The following MYO16 variants were observed in gnomAD, a reference collection of about 807,000 sequenced individuals.
MYO16 encodes myosin XVI.
A neutral mutation model predicts 205.3 loss-of-function variants in MYO16; 94 were observed. The ratio of observed to expected loss-of-function variants is 0.46; its 90% CI spans 0.39 to 0.54. MYO16 has a LOEUF of 0.54. Among genes scored for constraint, MYO16 ranks in the 20% least tolerant of loss-of-function variants. The pLI is 0.00. For missense variants in MYO16, 2,315 were observed against 2,387.5 expected (o/e 0.97, Z 0.63); for synonymous variants, 988 against 954.0 (o/e 1.04, Z -0.66).
chr13:109,046,877 T>C, intron 23 of MYO16, 39 bp from the exon 24 acceptor site: 1 of 1,491,382 alleles, frequency 6.7e-7, no homozygotes, highest in Non-Finnish European at 9.3e-7. Flanking sequence ...CACAGTCATG[T>C]TGAATCATTA....
At chr13:109,032,332 G>T (rs1886571171) in intron 23 of MYO16, among the ~76,000 whole-genome samples, 1 of 152,084 alleles carries the variant, frequency 6.6e-6, no homozygotes, top group Non-Finnish European at 1.5e-5. Flanking sequence ...TCATGTGCTG[G>T]CTCAGAACAG....
At position 109,125,407 on chromosome 13, in the gene MYO16, T is replaced by C. The variant is rs1876203002; in HGVS notation, c.3782+49T>C. 6.2e-7 allele frequency: 1 copy of C among 1,600,368 alleles called. No individual in the cohort carries two copies. Among genetic ancestry groups the C allele is most frequent in the African/African-American group, 1.3e-5 (1 of 74,476 alleles). On this transcript the variant is annotated intron_variant, in intron 30 of 34. Coordinates refer to ENST00000457511, the MANE Select transcript of MYO16 (RefSeq NM_001198950.3). This position sits in a 1 kb window ranked among gnomAD's most constrained non-coding sequence, Gnocchi z 4.0. ...TTAATTACCTTTGTGATTGGTTCAG[T>C]GGAGTCATGAAAATTCAAATAGCCC...
At chr13:108,915,093 T>C (rs1013784092) in intron 16 of MYO16, among the ~76,000 whole-genome samples, 5 of 152,354 alleles carry the variant, frequency 3.3e-5, no homozygotes, top group Middle Eastern at 6.8e-3. Context: ...GTTTGTAACA[T>C]AGGAATGATA....
intron 27 of MYO16, among the ~76,000 whole-genome samples, chr13:109,067,543 G>A (rs146460426): frequency 6.3e-4 from 96 of 152,262 alleles, no homozygotes; most frequent in African/African-American, 1.9e-3. Context: ...CCACAATGGC[G>A]TGCTGTTTCT....
At chr13:108,523,617 C>T in the MYO16 span, among the ~76,000 whole-genome samples, 1 of 152,178 alleles carries the variant, frequency 6.6e-6, no homozygotes, top group East Asian at 1.9e-4. Context: ...CTGGCCTGAG[C>T]CTCCCTTTCT....
chr13:108,969,537 C>A (rs1198725870), intron 20 of MYO16, among the ~76,000 whole-genome samples: 1 of 152,220 alleles, frequency 6.6e-6, no homozygotes, highest in Admixed American at 6.5e-5. Context: ...AGGCGTGTGG[C>A]CCTCTCTTCC....
intron 32 of MYO16, among the ~76,000 whole-genome samples, chr13:109,154,411 G>A (rs184620748): frequency 2.0e-5 from 3 of 152,306 alleles, no homozygotes; most frequent in Admixed American, 2.0e-4. Context: ...GTTCCGATGG[G>A]CCCTGGTCTG....
At chr13:108,789,017 T>G (rs1002730073) in intron 5 of MYO16, among the ~76,000 whole-genome samples, 4 of 152,212 alleles carry the variant, frequency 2.6e-5, no homozygotes, top group African/African-American at 9.6e-5. Flanking sequence ...CTTTTGCTTG[T>G]GTTGTTACCA....
chr13:108,885,300 G>A (rs1169755060), intron 13 of MYO16, among the ~76,000 whole-genome samples: 1 of 152,152 alleles, frequency 6.6e-6, no homozygotes, highest in Non-Finnish European at 1.5e-5. Context: ...TGTATTTTTA[G>A]TAGAGTCGGG....
At chr13:108,553,426 C>T in the MYO16 span, among the ~76,000 whole-genome samples, 6 of 152,176 alleles carry the variant, frequency 3.9e-5, no homozygotes, top group African/African-American at 1.4e-4. Context: ...CCAATTCTCG[C>T]ATCCCTGGGA....
chr13:109,046,512 C>A (rs1264682312), intron 23 of MYO16, among the ~76,000 whole-genome samples: 1 of 152,094 alleles, frequency 6.6e-6, no homozygotes, highest in Non-Finnish European at 1.5e-5. Flanking sequence ...TCAAGCAGAA[C>A]TTTTTAAATT....
chr13:108,580,908 A>G, the MYO16 span, among the ~76,000 whole-genome samples: 4 of 152,222 alleles, frequency 2.6e-5, no homozygotes, highest in African/African-American at 9.6e-5. Context: ...TAACACTTAG[A>G]CTGAATAGAC....
rs571003936 is a variant in MYO16 at position 108,901,069 on chromosome 13, T to C, written c.1777+2936T>C. The stretch of plus-strand genomic sequence containing the variant: ...TTAGGACGAGGAAATTCCCGCCTAA[T>C]AAATTTTGGTCAGACCGGTTGTCTG... On this transcript the variant is annotated intron_variant, in intron 15 of 34. Coordinates refer to ENST00000457511, the MANE Select transcript of MYO16 (RefSeq NM_001198950.3). Among the ~76,000 whole-genome samples the C allele has an allele frequency of 3.9e-4, 59 of 152,292 alleles. 1 individual carries two copies. In the South Asian group the frequency reaches 0.012, roughly 30 times the overall value.
At chr13:109,155,408 A>G (rs1387905136) in intron 32 of MYO16, among the ~76,000 whole-genome samples, 1 of 152,192 alleles carries the variant, frequency 6.6e-6, no homozygotes, top group African/African-American at 2.4e-5. Context: ...GGTTATTAAC[A>G]AGTAGGAAGG....
At chr13:108,926,929 G>T (rs1882032777) in intron 16 of MYO16, among the ~76,000 whole-genome samples, 1 of 152,140 alleles carries the variant, frequency 6.6e-6, no homozygotes, top group South Asian at 2.1e-4. Context: ...TAGGCTACAG[G>T]CACTGTCAAC....
At position 108,823,278 on chromosome 13, in the gene MYO16, TGTAA is replaced by T. The variant is rs763789060; in HGVS notation, c.1097+3_1097+6del. On this transcript the variant is annotated splice_donor_variant and splice_donor_region_variant and intron_variant, in intron 9 of 34. Coordinates refer to ENST00000457511, the MANE Select transcript of MYO16 (RefSeq NM_001198950.3). LOFTEE classifies it high-confidence loss of function. Reference sequence around the variant, plus strand: ...GATCTTCCCGTACTGTCGAGTAAGCTGTAAGTGTCTTCCTGCTTATTCTCTTTTG... The same window carrying T: ...GATCTTCCCGTACTGTCGAGTAAGCTGTGTCTTCCTGCTTATTCTCTTTTG... 3 of 1,602,050 alleles carry T rather than the reference TGTAA, an allele frequency of 1.9e-6. No homozygotes were observed. Among genetic ancestry groups the T allele is most frequent in the Non-Finnish European group, 2.6e-6 (3 of 1,173,984 alleles).
chr13:108,740,458 TG>T (rs1319291932), intron 4 of MYO16, among the ~76,000 whole-genome samples: 1 of 152,190 alleles, frequency 6.6e-6, no homozygotes, highest in African/African-American at 2.4e-5. Flanking sequence ...TGAATATTGC[TG>T]AACAGCAAAT....
At chr13:108,588,588 A>G in the MYO16 span, among the ~76,000 whole-genome samples, 1 of 152,216 alleles carries the variant, frequency 6.6e-6, no homozygotes, top group African/African-American at 2.4e-5. Flanking sequence ...GTAAACATTC[A>G]TTATACTTGC....
At chr13:109,047,372 G>T (rs562169661) in intron 24 of MYO16, among the ~76,000 whole-genome samples, 1 of 152,152 alleles carries the variant, frequency 6.6e-6, no homozygotes, top group South Asian at 2.1e-4. Context: ...GCACAACTAA[G>T]GGTGGTATTT....
Sources: allele counts gnomAD v4.1 joint callset (sites outside exome capture counted in the v4.1 genomes callset), GRCh38; gene constraint gnomAD v4.1.1; non-coding constraint Gnocchi (gnomAD v3.1); transcripts MANE v1.5; gene names NCBI Gene and HGNC (gene_info 2026-07-23, HGNC 2026-07-21).